The following PIGN variants were observed in gnomAD, a reference collection of about 807,000 sequenced individuals.
PIGN encodes phosphatidylinositol glycan anchor biosynthesis class N.
Under a neutral mutation model 125.4 loss-of-function variants are expected in PIGN, and 117 were observed. That is an observed-to-expected ratio of 0.93 (90% confidence interval 0.80 to 1.09). PIGN has a LOEUF of 1.09. PIGN is among the 50% of genes least tolerant of loss of function. PIGN has a pLI of 0.00. For missense variants in PIGN, 1,075 were observed against 1,094.9 expected (o/e 0.98, Z 0.26); for synonymous variants, 392 against 377.8 (o/e 1.04, Z -0.44).
intron 1 of PIGN, among the ~76,000 whole-genome samples, chr18:62,169,684 G>A (rs1035710667): frequency 6.6e-6 from 1 of 151,702 alleles, no homozygotes; most frequent in Non-Finnish European, 1.5e-5. Flanking sequence ...GCAGTCGTAC[G>A]ATCACGGCTT....
chr18:62,033,727 G>A (rs76461515), intron 23 of PIGN, among the ~76,000 whole-genome samples: 4,034 of 152,158 alleles, frequency 0.027, 150 homozygotes, highest in African/African-American at 0.073. Context: ...CGTATTGCTC[G>A]TAAGGCAAAT....
chr18:62,157,595 A>T, intron 5 of PIGN, 92 bp downstream of exon 5: 1 of 1,221,486 alleles, frequency 8.2e-7, no homozygotes, highest in Non-Finnish European at 1.2e-6. Flanking sequence ...ATCTCAAAAC[A>T]TACCTTCACT....
At chr18:62,129,066 A>C (rs916040949) in intron 14 of PIGN, among the ~76,000 whole-genome samples, 1 of 152,054 alleles carries the variant, frequency 6.6e-6, no homozygotes, top group African/African-American at 2.4e-5. Context: ...CCCTTGCCTC[A>C]ATTCCTTACT....
At chr18:62,071,926 T>G (rs2032900728) in intron 30 of PIGN, among the ~76,000 whole-genome samples, 1 of 130,368 alleles carries the variant, frequency 7.7e-6, no homozygotes, top group African/African-American at 3.0e-5. Context: ...AACTGTAAAA[T>G]ATCCTCAGGC....
Position 62,116,461 on chromosome 18 carries a change from G to A in PIGN, c.1173-1822C>T, listed in dbSNP as rs555843464. ...CTACTTCACTTAATTTCCCATTATCGCAAATGTGTACCCTCAGCTGCATAA... is the reference window on the plus strand; with the variant it reads ...CTACTTCACTTAATTTCCCATTATCACAAATGTGTACCCTCAGCTGCATAA... On this transcript the variant is annotated intron_variant, in intron 14 of 30. Transcript: ENST00000640252. Among the ~76,000 whole-genome samples, 78 of 152,082 alleles carry A rather than the reference G, an allele frequency of 5.1e-4. 1 individual carries two copies. The highest frequency in any genetic ancestry group is 6.8e-3 in the Middle Eastern group (2 of 294).
chr18:62,082,324 AAGTT>A (rs2033485168), intron 28 of PIGN, among the ~76,000 whole-genome samples: 1 of 152,144 alleles, frequency 6.6e-6, no homozygotes. Flanking sequence ...ACCAAAATAA[AAGTT>A]AGAGTATCTT....
intron 14 of PIGN, among the ~76,000 whole-genome samples, chr18:62,121,500 A>G (rs1462679856): frequency 2.0e-5 from 3 of 152,184 alleles, no homozygotes; most frequent in African/African-American, 4.8e-5. Context: ...ATGATGCAGA[A>G]AAGTTTCTAC....
intron 4 of PIGN, among the ~76,000 whole-genome samples, chr18:62,160,575 G>A (rs992721820): frequency 2.0e-5 from 3 of 150,354 alleles, no homozygotes; most frequent in Admixed American, 2.0e-4. Context: ...GGAGTGCAAT[G>A]GCACCATCTC....
chr18:62,179,144 A>G (rs1282574266), intron 1 of PIGN, among the ~76,000 whole-genome samples: 2 of 152,206 alleles, frequency 1.3e-5, no homozygotes, highest in African/African-American at 2.4e-5. Context: ...TACATAAAGT[A>G]CCATTTTCTT....
intron 30 of PIGN, among the ~76,000 whole-genome samples, chr18:62,048,476 G>C (rs964824740): frequency 1.3e-5 from 2 of 152,020 alleles, no homozygotes; most frequent in African/African-American, 4.8e-5. Context: ...AAAACAATTT[G>C]AATAACAGCA....
chr18:62,107,968 T>G (rs2146461378), intron 17 of PIGN, among the ~76,000 whole-genome samples: 1 of 152,316 alleles, frequency 6.6e-6, no homozygotes, highest in East Asian at 1.9e-4. Flanking sequence ...ACTTGAGTAC[T>G]TTTTACATTT....
At chr18:62,133,953 TA>T (rs1302670597) in intron 14 of PIGN, among the ~76,000 whole-genome samples, 7 of 152,214 alleles carry the variant, frequency 4.6e-5, no homozygotes, top group Admixed American at 2.0e-4. Context: ...CCTACATTTT[TA>T]AAAAACATGT....
At chr18:62,095,392 G>C (rs1399976519) in intron 23 of PIGN, among the ~76,000 whole-genome samples, 1 of 152,064 alleles carries the variant, frequency 6.6e-6, no homozygotes, top group African/African-American at 2.4e-5. Context: ...ATCTTTAAAA[G>C]TTTTGGGAAA....
chr18:62,124,117 C>G (rs1330551518), intron 14 of PIGN, among the ~76,000 whole-genome samples: 1 of 152,082 alleles, frequency 6.6e-6, no homozygotes, highest in Non-Finnish European at 1.5e-5. Flanking sequence ...AATGGAATAA[C>G]TTCTTAACAA....
In PIGN at chr18:62,043,961, A is replaced by T. The variant is rs1275994059; in HGVS notation, c.*1895T>A. 2 of 152,224 alleles carry T rather than the reference A, an allele frequency of 1.3e-5. No homozygotes were observed. The highest frequency in any genetic ancestry group is 2.9e-5 in the Non-Finnish European group (2 of 68,042). 9.4% of individuals were successfully genotyped at this position (152,224 alleles called of 1,614,324 possible). ...CTTTTTTCTGTTTTGCAACATAAAA[A>T]TATACATTTCAAAACATTTAAAGAT... On this transcript the variant is annotated 3_prime_UTR_variant, in exon 31 of 31. Coordinates refer to ENST00000640252, the MANE Select transcript of PIGN (RefSeq NM_176787.5).
chr18:62,082,545 T>C, intron 28 of PIGN, 128 bp downstream of exon 28: 1 of 515,052 alleles, frequency 1.9e-6, no homozygotes, highest in East Asian at 3.2e-5. Flanking sequence ...GTGAAAATTT[T>C]CTCATTTTTG....
chr18:62,047,243 G>A (rs1020122746), intron 30 of PIGN, among the ~76,000 whole-genome samples: 20 of 152,190 alleles, frequency 1.3e-4, no homozygotes, highest in African/African-American at 3.9e-4. Flanking sequence ...CTAACTCCCC[G>A]GCTATGCCCT....
intron 17 of PIGN, among the ~76,000 whole-genome samples, chr18:62,107,309 G>A (rs762416274): frequency 3.3e-5 from 5 of 151,564 alleles, no homozygotes; most frequent in African/African-American, 1.2e-4. Flanking sequence ...ATTTGAAAAC[G>A]ATCAGCCAGG....
chr18:62,084,470 A>T (rs1291449814), intron 27 of PIGN, 61 bp downstream of exon 27: 12 of 1,091,680 alleles, frequency 1.1e-5, no homozygotes, highest in Middle Eastern at 2.1e-4. Context: ...CTCTGTCTAA[A>T]TGACTTTATA....
Sources: gnomAD v4.1 joint callset for allele counts (sites outside exome capture counted in the v4.1 genomes callset) on GRCh38, gnomAD v4.1.1 for gene constraint, MANE v1.5 for transcripts, NCBI Gene and HGNC (gene_info 2026-07-23, HGNC 2026-07-21) for gene names.